The following GRM7 variants were observed in gnomAD, a reference collection of about 807,000 sequenced individuals.
GRM7 encodes the protein metabotropic glutamate receptor 7.
A neutral mutation model predicts 84.5 loss-of-function variants in GRM7; 35 were observed. The observed-to-expected ratio is 0.41, with a 90% CI of 0.32 to 0.55. The LOEUF (loss-of-function observed/expected upper bound fraction) is 0.55. GRM7 is among the 20% of genes least tolerant of loss of function. GRM7 has a pLI of 0.19. For missense variants in GRM7, 1,003 were observed against 1,194.6 expected (o/e 0.84, Z 2.36); for synonymous variants, 487 against 455.1 (o/e 1.07, Z -0.89).
intron 1 of GRM7, among the ~76,000 whole-genome samples, chr3:7,122,037 G>A (rs533878636): frequency 1.3e-5 from 2 of 152,234 alleles, no homozygotes; most frequent in Middle Eastern, 6.8e-3. Context: ...CCAAATGCTG[G>A]CACTGTGCTC....
intron 2 of GRM7, among the ~76,000 whole-genome samples, chr3:7,246,961 A>T (rs1697786002): frequency 6.6e-6 from 1 of 152,200 alleles, no homozygotes; most frequent in Non-Finnish European, 1.5e-5. Context: ...CGGCATAACG[A>T]TGAGAAAAAG....
intron 8 of GRM7, among the ~76,000 whole-genome samples, chr3:7,657,260 C>G (rs1184558312): frequency 6.6e-6 from 1 of 152,068 alleles, no homozygotes; most frequent in Non-Finnish European, 1.5e-5. Flanking sequence ...TAGAAACAGT[C>G]TAAATTGGGG....
chr3:7,053,312 T>C (rs111713305), intron 1 of GRM7, among the ~76,000 whole-genome samples: 3,669 of 151,510 alleles, frequency 0.024, 159 homozygotes, highest in African/African-American at 0.084. Context: ...TGGCTAAATA[T>C]TTTACAAAAT....
At chr3:7,276,693 C>G (rs1193364836) in intron 2 of GRM7, among the ~76,000 whole-genome samples, 1 of 151,832 alleles carries the variant, frequency 6.6e-6, no homozygotes, top group Non-Finnish European at 1.5e-5. Context: ...CATGTTTTCA[C>G]CTAAGTGAAA....
intron 2 of GRM7, among the ~76,000 whole-genome samples, chr3:7,226,170 CAA>C: frequency 6.6e-6 from 1 of 152,216 alleles, no homozygotes; most frequent in African/African-American, 2.4e-5. Flanking sequence ...TGCTGTGTAA[CAA>C]ATCACTGCAC....
chr3:7,457,913 A>T (rs1030223158), intron 6 of GRM7, among the ~76,000 whole-genome samples: 2 of 152,154 alleles, frequency 1.3e-5, no homozygotes, highest in Non-Finnish European at 2.9e-5. Flanking sequence ...TGGACCAGAG[A>T]GCTGCTGTCC....
At chr3:7,451,537 G>A (rs188519728) in intron 5 of GRM7, among the ~76,000 whole-genome samples, 75 of 152,240 alleles carry the variant, frequency 4.9e-4, no homozygotes, top group African/African-American at 1.6e-3. Flanking sequence ...AAGAATAAAG[G>A]AAAATAAATG....
At chr3:6,980,046 T>C (rs977730656) in intron 1 of GRM7, among the ~76,000 whole-genome samples, 1 of 152,174 alleles carries the variant, frequency 6.6e-6, no homozygotes, top group Non-Finnish European at 1.5e-5. Flanking sequence ...ATCTACCTTC[T>C]AGTATGTTAG....
At chr3:6,963,710 G>A (rs1693391600) in intron 1 of GRM7, among the ~76,000 whole-genome samples, 1 of 152,130 alleles carries the variant, frequency 6.6e-6, no homozygotes. Context: ...CAATGAATGT[G>A]GGTCATAGTT....
At chr3:7,335,032 T>G (rs1007022815) in intron 4 of GRM7, among the ~76,000 whole-genome samples, 4 of 152,022 alleles carry the variant, frequency 2.6e-5, no homozygotes, top group African/African-American at 9.7e-5. Flanking sequence ...AAAGAAACAA[T>G]GGGCTTAAGC....
rs79456309 is a variant in GRM7 at position 7,170,969 on chromosome 3, C to T, written c.736+24301C>T. Among the ~76,000 whole-genome samples the T allele has an allele frequency of 6.4e-3, 973 of 152,292 alleles. 5 individuals are homozygous for T. Among genetic ancestry groups the T allele is most frequent in the Non-Finnish European group, 0.01 (692 of 68,024 alleles). On this transcript the variant is annotated intron_variant, in intron 2 of 9. Transcript: ENST00000357716. ...ACACATGTCTTGTGTACATGCTGCT[C>T]ATCACATCTGGAGCTCTTATCCTCC...
intron 3 of GRM7, among the ~76,000 whole-genome samples, chr3:7,305,637 T>A (rs2125033023): frequency 6.6e-6 from 1 of 151,326 alleles, no homozygotes; most frequent in Middle Eastern, 3.4e-3. Flanking sequence ...TGAGAATGAT[T>A]TTTTTCTTTA....
rs545120860 is a variant in GRM7, at chr3:7,409,685, C to G, written c.1034-5338C>G. Among the ~76,000 whole-genome samples, 4 of 152,262 alleles carry G rather than the reference C, an allele frequency of 2.6e-5. No individual in the cohort carries two copies. In the South Asian group the frequency reaches 8.3e-4, roughly 32 times the overall value. ...GCGGGATCTTGGCTCACTGCAACCT[C>G]TGCCTCCTGGGTTCAAGCAGTTCTC... On this transcript the variant is annotated intron_variant, in intron 4 of 9. Transcript: ENST00000357716.
chr3:7,586,243 G>A (rs1344569473), intron 8 of GRM7, among the ~76,000 whole-genome samples: 1 of 152,062 alleles, frequency 6.6e-6, no homozygotes, highest in Non-Finnish European at 1.5e-5. Flanking sequence ...ATAAAACATG[G>A]TACAACTGCT....
chr3:6,957,859 C>T (rs1033380460), intron 1 of GRM7, among the ~76,000 whole-genome samples: 1 of 152,146 alleles, frequency 6.6e-6, no homozygotes, highest in Non-Finnish European at 1.5e-5. Flanking sequence ...ATTATATAAA[C>T]AGGTATTCCA....
intron 1 of GRM7, among the ~76,000 whole-genome samples, chr3:7,100,875 A>AT (rs1379583764): frequency 6.6e-6 from 1 of 151,512 alleles, no homozygotes; most frequent in Non-Finnish European, 1.5e-5. Flanking sequence ...TTGTATCTGG[A>AT]TTTTTTTGCT....
chr3:7,551,750 T>C lies in GRM7; in HGVS notation c.1516-26672T>C, dbSNP rs370422189. Among the ~76,000 whole-genome samples the C allele has an allele frequency of 8.8e-4, 134 of 152,202 alleles. 3 individuals are homozygous for C. The South Asian group carries it at 0.023, about 26-fold the overall frequency. The stretch of plus-strand genomic sequence containing the variant: ...GGATTGCCTGGGAAGTCAATAAAAG[T>C]ATAAATGTGAATGATATTATCACAG... On this transcript the variant is annotated intron_variant, in intron 7 of 9. Transcript: ENST00000357716.
At chr3:6,887,998 T>A (rs1488027490) in intron 1 of GRM7, among the ~76,000 whole-genome samples, 1 of 152,244 alleles carries the variant, frequency 6.6e-6, no homozygotes, top group East Asian at 1.9e-4. Context: ...TGAGCATTTT[T>A]TCATGTGTTT....
chr3:7,008,681 T>A (rs1695261655), intron 1 of GRM7, among the ~76,000 whole-genome samples: 1 of 152,234 alleles, frequency 6.6e-6, no homozygotes, highest in Admixed American at 6.5e-5. Context: ...CAATTCCAAA[T>A]GAAGTACTAG....
Sources: gnomAD v4.1 joint callset for allele counts (sites outside exome capture counted in the v4.1 genomes callset) on GRCh38, gnomAD v4.1.1 for gene constraint, MANE v1.5 for transcripts, NCBI Gene and HGNC (gene_info 2026-07-23, HGNC 2026-07-21) for gene names.